Variants in HOMER1 observed in about 807,000 individuals in gnomAD.
The protein encoded by HOMER1 is homer scaffold protein 1, also known as homer protein homolog 1.
In HOMER1, 3 loss-of-function variants were observed where a neutral mutation model predicts 48.9. The ratio of observed to expected loss-of-function variants is 0.06; its 90% confidence interval spans 0.03 to 0.16. The LOEUF is 0.16. HOMER1 is among the 10% of genes least tolerant of loss of function. HOMER1 has a pLI of 1.00. For missense variants in HOMER1, 247 were observed against 411.4 expected, an observed-to-expected ratio of 0.60 and a Z score of 3.46; for synonymous variants, 134 against 146.4, an observed-to-expected ratio of 0.92 and a Z score of 0.61.
At chr5:79,376,837 G>GA (rs1239118475) in intron 8 of HOMER1, among the ~76,000 whole-genome samples, 1 of 151,592 alleles carries the variant, frequency 6.6e-6, no homozygotes, top group African/African-American at 2.4e-5. Flanking sequence ...CAAACCAAGG[G>GA]AAAAAAATGA....
intron 1 of HOMER1, among the ~76,000 whole-genome samples, chr5:79,505,624 T>C (rs932868546): frequency 6.6e-6 from 1 of 152,208 alleles, no homozygotes; most frequent in Admixed American, 6.5e-5. Context: ...AAATAAGATG[T>C]TCGTAAAGCC....
chr5:79,481,744 G>GAGCACATGGGACATTGGGT (rs1751952559), intron 1 of HOMER1, among the ~76,000 whole-genome samples: 1 of 152,128 alleles, frequency 6.6e-6, no homozygotes, highest in Admixed American at 6.5e-5. Context: ...CCAGAAGGGA[G>GAGCACATGGGACATTGGGT]AGCACATGGG....
intron 8 of HOMER1, among the ~76,000 whole-genome samples, chr5:79,381,528 C>T (rs1421204036): frequency 3.3e-5 from 5 of 152,110 alleles, no homozygotes; most frequent in Non-Finnish European, 7.4e-5. Flanking sequence ...CATAAAGTCC[C>T]CCCAAAAGAA....
chr5:79,465,584 C>CTTCTTTTTTTTTTTT (rs1751438018), intron 1 of HOMER1, among the ~76,000 whole-genome samples: 1 of 77,894 alleles, frequency 1.3e-5, no homozygotes, highest in African/African-American at 6.1e-5. Flanking sequence ...TACATTTCTT[C>CTTCTTTTTTTTTTTT]TTTTTTTTTT....
At chr5:79,405,815 T>G (rs112936387) in intron 5 of HOMER1, among the ~76,000 whole-genome samples, 8 of 152,166 alleles carry the variant, frequency 5.3e-5, no homozygotes, top group African/African-American at 1.9e-4. Flanking sequence ...TAATAAAACT[T>G]TCAACACTAA....
At chr5:79,387,776 C>T (rs1211047353) in intron 8 of HOMER1, among the ~76,000 whole-genome samples, 1 of 152,116 alleles carries the variant, frequency 6.6e-6, no homozygotes, top group Non-Finnish European at 1.5e-5. Flanking sequence ...GATTTCTGGG[C>T]AGCCAAGGTA....
chr5:79,389,755 G>A (rs1332944976), intron 8 of HOMER1, among the ~76,000 whole-genome samples: 1 of 152,134 alleles, frequency 6.6e-6, no homozygotes, highest in African/African-American at 2.4e-5. Context: ...AAATTACCCA[G>A]ATTGTAGTTT....
At chr5:79,382,835 A>AGG (rs774281456) in intron 8 of HOMER1, among the ~76,000 whole-genome samples, 6 of 152,238 alleles carry the variant, frequency 3.9e-5, no homozygotes, top group Non-Finnish European at 8.8e-5. Flanking sequence ...ACAAAGAACA[A>AGG]AACAACCAGA....
intron 5 of HOMER1, among the ~76,000 whole-genome samples, chr5:79,422,936 T>C (rs964782995): frequency 6.6e-6 from 1 of 151,974 alleles, no homozygotes; most frequent in African/African-American, 2.4e-5. Flanking sequence ...TTCTCTCATT[T>C]GTTATCACTA....
At chr5:79,488,645 A>G (rs1051285969) in intron 1 of HOMER1, among the ~76,000 whole-genome samples, 1 of 152,208 alleles carries the variant, frequency 6.6e-6, no homozygotes, top group Non-Finnish European at 1.5e-5. Context: ...CATCCTTCAC[A>G]TAGGTAATAG....
chr5:79,413,915 C>G (rs1432004354), intron 5 of HOMER1, among the ~76,000 whole-genome samples: 1 of 151,960 alleles, frequency 6.6e-6, no homozygotes. Context: ...TCAAAAGGAC[C>G]TAAATGAGTA....
intron 5 of HOMER1, among the ~76,000 whole-genome samples, chr5:79,416,427 T>C (rs1279508625): frequency 6.6e-6 from 1 of 152,210 alleles, no homozygotes; most frequent in Admixed American, 6.5e-5. Context: ...TGTACTTTAG[T>C]GCATAGTTTC....
At chr5:79,459,330 G>A (rs1337446630) in intron 1 of HOMER1, among the ~76,000 whole-genome samples, 6 of 152,126 alleles carry the variant, frequency 3.9e-5, no homozygotes, top group East Asian at 1.9e-4. Flanking sequence ...ACATCATATT[G>A]AGTCATACAT....
At chr5:79,423,817 A>C (rs1750169769) in intron 5 of HOMER1, among the ~76,000 whole-genome samples, 1 of 152,116 alleles carries the variant, frequency 6.6e-6, no homozygotes, top group Admixed American at 6.5e-5. Flanking sequence ...TAGCTCAAAG[A>C]GATAAAGTCT....
chr5:79,377,154 C>T (rs939438903), intron 8 of HOMER1, among the ~76,000 whole-genome samples: 27 of 152,202 alleles, frequency 1.8e-4, no homozygotes, highest in African/African-American at 6.3e-4. Context: ...TTAGTAGAGA[C>T]GGGGTTTCAC....
rs551629414 is a variant in HOMER1 at position 79,434,736 on chromosome 5, G to T, written c.527+4274C>A. On this transcript the variant is annotated intron_variant, in intron 5 of 8. Transcript: ENST00000334082. ...AAGCTTATTCAATAAGAATGTTTTTGCATAGTTTATGACAAGGATACAGTA... is the reference window on the plus strand; with the variant it reads ...AAGCTTATTCAATAAGAATGTTTTTTCATAGTTTATGACAAGGATACAGTA... Among the ~76,000 whole-genome samples the T allele has an allele frequency of 2.4e-5, 3 of 125,884 alleles. No individual in the cohort carries two copies. In the Admixed American group the frequency reaches 2.5e-4, roughly 11 times the overall value. 82.6% of individuals were successfully genotyped at this position (125,884 alleles called of 152,430 possible). A position where few individuals can be genotyped will look rare whatever the true frequency, so the allele number is the denominator to read the frequency against.
intron 1 of HOMER1, among the ~76,000 whole-genome samples, chr5:79,472,185 T>A (rs930755076): frequency 3.9e-5 from 6 of 152,180 alleles, no homozygotes; most frequent in Admixed American, 1.3e-4. Flanking sequence ...CAGAAAATAA[T>A]AGTAAATGAA....
Position 79,387,692 on chromosome 5 carries a change from C to T in HOMER1, c.876+9131G>A, listed in dbSNP as rs530723942. ...ATTGGGGATAAAGTAGTAAATAAAA[C>T]AAAGATGGTTCTTGTTTTAATAGAA... On this transcript the variant is annotated intron_variant, in intron 8 of 8. Coordinates refer to ENST00000334082, the MANE Select transcript of HOMER1 (RefSeq NM_004272.5). Among the ~76,000 whole-genome samples the T allele has an allele frequency of 2.6e-5, 4 of 152,166 alleles. No homozygotes were observed. In the South Asian group the frequency reaches 8.3e-4, roughly 32 times the overall value.
At chr5:79,510,508 A>G (rs1033232951) in intron 1 of HOMER1, 2 of 721,376 alleles carry the variant, frequency 2.8e-6, no homozygotes, top group Non-Finnish European at 5.1e-6. Context: ...AGAAACCCGA[A>G]GCACAAAGAT....
Sources: allele counts gnomAD v4.1 joint callset (sites outside exome capture counted in the v4.1 genomes callset), GRCh38; gene constraint gnomAD v4.1.1; transcripts MANE v1.5; gene names NCBI Gene and HGNC (gene_info 2026-07-23, HGNC 2026-07-21).